Variants in SACS observed in about 807,000 individuals in gnomAD.
SACS encodes the protein sacsin.
A neutral mutation model predicts 348.0 loss-of-function variants in SACS; 197 were observed. The ratio of observed to expected loss-of-function variants is 0.57; its 90% confidence interval spans 0.50 to 0.64. The LOEUF is 0.64. Among genes scored for constraint, SACS ranks in the 30% least tolerant of loss-of-function variants. The pLI is 0.00. For synonymous variants in SACS, 1,985 were observed against 1,910.6 expected (o/e 1.04, Z -1.02); for missense variants, 4,999 against 5,360.8 (o/e 0.93, Z 2.11).
In SACS at chr13:23,368,388, G is replaced by C. The variant is rs538944334; in HGVS notation, c.345+14C>G. On this transcript the variant is annotated intron_variant, in intron 5 of 9. Transcript: ENST00000382292. ...ATCAAAGTAAATAACACATGAACAC[G>C]ACATGTGCCCCACCTTAAGAATCTG... The C allele has an allele frequency of 3.2e-6, 5 of 1,574,388 alleles. No homozygotes were observed. The highest frequency in any genetic ancestry group is 1.4e-5 in the African/African-American group (1 of 74,010).
intron 2 of SACS, among the ~76,000 whole-genome samples, chr13:23,377,129 G>T (rs77442726): frequency 0.018 from 2,692 of 152,234 alleles, 75 homozygotes; most frequent in African/African-American, 0.061. Context: ...GTGGGGCTGT[G>T]GGGGGAGGGA....
Position 23,332,791 on chromosome 13 carries a change from A to G in SACS, c.11085T>C (p.Asp3695=), listed in dbSNP as rs1390566412. Residue 3695 remains aspartate, a synonymous_variant, in exon 10 of 10, where the codon GAT becomes GAC. Coordinates refer to ENST00000382292, the MANE Select transcript of SACS (RefSeq NM_014363.6). ...AQVNPKFKQC[D]VLQLLWTSCP... is the part of the protein sequence containing the mutation. ...AGGATGTCCATAACAGCTGGAGTAC[A>G]TCACATTGCTTGAATTTTGGATTTA... The G allele has an allele frequency of 1.9e-6, 3 of 1,613,962 alleles. No individual in the cohort carries two copies. Among genetic ancestry groups the G allele is most frequent in the Non-Finnish European group, 2.5e-6 (3 of 1,179,954 alleles).
In SACS at chr13:23,398,390, G is replaced by A. The variant is rs184010482; in HGVS notation, c.20+12830C>T. Among the ~76,000 whole-genome samples, 174 of 149,780 alleles carry A rather than the reference G, an allele frequency of 1.2e-3. 1 individual carries two copies. The highest frequency in any genetic ancestry group is 3.7e-3 in the African/African-American group (151 of 40,732). ...TCTACTAAAAATATAAAAAATTAGC[G>A]AGGCGTGGTGGTGCATGCCTGTAGT... On this transcript the variant is annotated intron_variant, in intron 2 of 9. Transcript: ENST00000382292.
chr13:23,412,366 A>G (rs1047921351), intron 1 of SACS, among the ~76,000 whole-genome samples: 13 of 148,652 alleles, frequency 8.7e-5, no homozygotes, highest in Admixed American at 8.7e-4. Context: ...CTCACATGTG[A>G]TGTGCCTTTT....
chr13:23,368,266 G>A (rs1730699813), intron 5 of SACS, 136 bp downstream of exon 5: 2 of 642,582 alleles, frequency 3.1e-6, no homozygotes, highest in Non-Finnish European at 5.5e-6. Context: ...ATACACTGCA[G>A]CCACAGAGGT....
chr13:23,368,299 G>C (rs1188176877), intron 5 of SACS, 103 bp downstream of exon 5: 13 of 793,580 alleles, frequency 1.6e-5, no homozygotes, highest in Admixed American at 9.5e-5. Flanking sequence ...TTTGAATCTA[G>C]ACAACATTTT....
Position 23,337,404 on chromosome 13 carries a change from TATC to T in SACS, c.6469_6471del (p.Asp2157del), listed in dbSNP as rs1204242892. ...CGTTCTAGCATATCATCCCATAAAA[TATC>T]ATCTTTTGCCATACCTAACTGAACT... On this transcript the variant is annotated inframe_deletion, in exon 10 of 10. Transcript: ENST00000382292. 4 of 1,613,138 alleles carry T rather than the reference TATC, an allele frequency of 2.5e-6. No homozygotes were observed. The highest frequency in any genetic ancestry group is 3.4e-6 in the Non-Finnish European group (4 of 1,179,632).
chr13:23,427,246 G>A (rs1874226234), intron 1 of SACS: 1 of 152,168 alleles, frequency 6.6e-6, no homozygotes, highest in Admixed American at 6.5e-5. Context: ...AACACATGAA[G>A]TGACATGAAA....
At chr13:23,429,795 A>C (rs760156475) in intron 1 of SACS, among the ~76,000 whole-genome samples, 1 of 152,206 alleles carries the variant, frequency 6.6e-6, no homozygotes, top group Non-Finnish European at 1.5e-5. Context: ...CTCCAAATAC[A>C]TTAAAATCTT....
At chr13:23,422,668 T>C (rs1874000808) in intron 1 of SACS, among the ~76,000 whole-genome samples, 2 of 152,074 alleles carry the variant, frequency 1.3e-5, no homozygotes, top group Non-Finnish European at 2.9e-5. Flanking sequence ...GTTTCTTTTT[T>C]TTTTTTTTGA....
chr13:23,405,255 C>T (rs1302908740), intron 2 of SACS, among the ~76,000 whole-genome samples: 1 of 152,048 alleles, frequency 6.6e-6, no homozygotes, highest in Admixed American at 6.5e-5. Context: ...GAAATAATGC[C>T]ACACATCTAC....
Position 23,337,212 on chromosome 13 carries a change from G to GT in SACS, c.6663dup (p.Pro2222ThrfsTer14). 3 of 1,613,922 alleles carry GT rather than the reference G, an allele frequency of 1.9e-6. No homozygotes were observed. The highest frequency in any genetic ancestry group is 2.5e-6 in the Non-Finnish European group (3 of 1,179,890). On this transcript the variant is annotated frameshift_variant, in exon 10 of 10. Coordinates refer to ENST00000382292, the MANE Select transcript of SACS (RefSeq NM_014363.6). LOFTEE classifies it high-confidence loss of function. ...TTCCAGTCCAAAGAAAAACCTGCTG[G>GT]TTTTGTCAGAAATGGAAGGAAGCGG...
At chr13:23,390,865 C>T (rs1415737463) in intron 2 of SACS, among the ~76,000 whole-genome samples, 1 of 152,196 alleles carries the variant, frequency 6.6e-6, no homozygotes, top group Admixed American at 6.5e-5. Flanking sequence ...TCATGCCCCT[C>T]ATTCAGGTGT....
chr13:23,393,401 G>T (rs1245634929), intron 2 of SACS, among the ~76,000 whole-genome samples: 1 of 152,152 alleles, frequency 6.6e-6, no homozygotes, highest in East Asian at 1.9e-4. Flanking sequence ...CTGTTTCTGG[G>T]TTACTGGCAC....
chr13:23,348,630 C>G (rs2137680753), intron 9 of SACS, among the ~76,000 whole-genome samples: 1 of 152,330 alleles, frequency 6.6e-6, no homozygotes, highest in East Asian at 1.9e-4. Context: ...GCATTCACCT[C>G]AGACTGCAGG....
At chr13:23,352,727 G>A (rs1223258902) in intron 9 of SACS, among the ~76,000 whole-genome samples, 1 of 152,136 alleles carries the variant, frequency 6.6e-6, no homozygotes, top group Non-Finnish European at 1.5e-5. Flanking sequence ...AGGTTGTTTT[G>A]AAGATGACAA....
In SACS at chr13:23,353,095, G is replaced by A. The variant is rs76926601; in HGVS notation, c.2185+690C>T. ...CAGGTAACAGTTTCACAAGGAAAAG[G>A]ATGCTTGCAGAAGTTGAAAGGTAGT... On this transcript the variant is annotated intron_variant, in intron 9 of 9. Coordinates refer to ENST00000382292, the MANE Select transcript of SACS (RefSeq NM_014363.6). 2.2e-4 allele frequency among the ~76,000 whole-genome samples: 34 copies of A among 152,260 alleles called. No individual in the cohort carries two copies. In the East Asian group the frequency reaches 6.0e-3, roughly 27 times the overall value.
chr13:23,409,549 T>C (rs771041151), intron 2 of SACS, among the ~76,000 whole-genome samples: 12 of 151,302 alleles, frequency 7.9e-5, no homozygotes, highest in African/African-American at 2.4e-5. Context: ...GGTTTTGCCA[T>C]GTTGGTCAGG....
At chr13:23,430,606 T>C (rs1401047599) in intron 1 of SACS, among the ~76,000 whole-genome samples, 1 of 152,310 alleles carries the variant, frequency 6.6e-6, no homozygotes, top group Non-Finnish European at 1.5e-5. Context: ...TCTAGATACG[T>C]ATAGAATTCA....
Sources: allele counts gnomAD v4.1 joint callset (sites outside exome capture counted in the v4.1 genomes callset), GRCh38; gene constraint gnomAD v4.1.1; transcripts MANE v1.5; gene names NCBI Gene and HGNC (gene_info 2026-07-23, HGNC 2026-07-21).